Variants in ZNF804B observed in about 807,000 individuals in gnomAD.
ZNF804B encodes the protein zinc finger 804B.
ZNF804B carries 80 observed loss-of-function variants against 101.4 expected under a neutral mutation model. The observed-to-expected ratio is 0.79, with a 90% CI of 0.66 to 0.95. The LOEUF is 0.95. Among genes scored for constraint, ZNF804B ranks in the 40% least tolerant of loss-of-function variants. ZNF804B has a pLI of 0.00. For missense variants in ZNF804B, 1,673 were observed against 1,561.9 expected (o/e 1.07, Z -1.20); for synonymous variants, 622 against 558.8 (o/e 1.11, Z -1.59).
chr7:88,889,600 G>A (rs1413532081), intron 1 of ZNF804B, among the ~76,000 whole-genome samples: 1 of 152,160 alleles, frequency 6.6e-6, no homozygotes, highest in Non-Finnish European at 1.5e-5. Context: ...CTTTTGAGAA[G>A]TGTCTTTTCA....
At chr7:89,151,392 CAT>C (rs899641983) in intron 1 of ZNF804B, among the ~76,000 whole-genome samples, 2 of 151,996 alleles carry the variant, frequency 1.3e-5, no homozygotes, top group African/African-American at 4.8e-5. Flanking sequence ...CTCCCATCCC[CAT>C]ATGATTTTGA....
intron 1 of ZNF804B, among the ~76,000 whole-genome samples, chr7:88,985,872 A>G (rs1793753178): frequency 6.6e-6 from 1 of 152,126 alleles, no homozygotes. Context: ...ACTGAATGGA[A>G]GCAGAAGTAA....
chr7:88,950,956 A>C (rs1392451716), intron 1 of ZNF804B, among the ~76,000 whole-genome samples: 1 of 151,664 alleles, frequency 6.6e-6, no homozygotes, highest in Non-Finnish European at 1.5e-5. Flanking sequence ...CTTTTACTCT[A>C]GTTACTGGTA....
intron 1 of ZNF804B, among the ~76,000 whole-genome samples, chr7:88,989,022 T>TATG (rs1424406392): frequency 1.3e-5 from 2 of 151,962 alleles, no homozygotes; most frequent in East Asian, 3.9e-4. Flanking sequence ...TTTTATTTAT[T>TATG]ATTATTATTA....
At chr7:88,908,247 T>C (rs1298442254) in intron 1 of ZNF804B, among the ~76,000 whole-genome samples, 1 of 151,844 alleles carries the variant, frequency 6.6e-6, no homozygotes, top group Non-Finnish European at 1.5e-5. Context: ...TATTTTACTT[T>C]AAGTTTTAGG....
chr7:89,289,445 G>A (rs1584107236), intron 2 of ZNF804B, among the ~76,000 whole-genome samples: 1 of 152,140 alleles, frequency 6.6e-6, no homozygotes, highest in East Asian at 1.9e-4. Context: ...CCCTGAAAGA[G>A]GTACTGAAGA....
At chr7:89,011,933 C>G (rs2116194653) in intron 1 of ZNF804B, among the ~76,000 whole-genome samples, 1 of 152,280 alleles carries the variant, frequency 6.6e-6, no homozygotes, top group East Asian at 1.9e-4. Context: ...TCAAACCCTA[C>G]ATTTTCCCTC....
At chr7:89,199,679 A>G (rs934778191) in intron 1 of ZNF804B, among the ~76,000 whole-genome samples, 2 of 151,796 alleles carry the variant, frequency 1.3e-5, no homozygotes, top group Admixed American at 6.6e-5. Flanking sequence ...AACCACAAGG[A>G]TGTACTGCCT....
intron 1 of ZNF804B, among the ~76,000 whole-genome samples, chr7:88,792,015 G>C (rs1183557457): frequency 6.6e-6 from 1 of 152,064 alleles, no homozygotes. Context: ...GGGGCTGTTG[G>C]CTGCGACCTT....
chr7:89,291,422 CAA>C (rs949207694), intron 2 of ZNF804B, among the ~76,000 whole-genome samples: 5 of 152,052 alleles, frequency 3.3e-5, no homozygotes, highest in African/African-American at 7.2e-5. Context: ...GAAAATTTAA[CAA>C]AGAGATTGAA....
intron 1 of ZNF804B, among the ~76,000 whole-genome samples, chr7:88,830,916 C>T (rs1791123108): frequency 6.6e-6 from 1 of 151,760 alleles, no homozygotes; most frequent in South Asian, 2.1e-4. Flanking sequence ...ATCTGGTTTT[C>T]ATATTCTTTT....
rs3059353 is a variant in ZNF804B at position 89,136,736 on chromosome 7, AGTGTGT to A, written c.109-81395_109-81390del. Among the ~76,000 whole-genome samples, 560 of 145,658 alleles carry A rather than the reference AGTGTGT, an allele frequency of 3.8e-3. 5 individuals are homozygous for A. The highest frequency in any genetic ancestry group is 0.012 in the African/African-American group (481 of 39,864). On this transcript the variant is annotated intron_variant, in intron 1 of 3. Coordinates refer to ENST00000333190, the MANE Select transcript of ZNF804B (RefSeq NM_181646.5). ...GCTGAATTATATTTGTGTGTGTGTGAGTGTGTGTGTGTGTGTGTGTGTGTGTGTGCG... is the reference window on the plus strand; with the variant it reads ...GCTGAATTATATTTGTGTGTGTGTGAGTGTGTGTGTGTGTGTGTGTGTGCG...
In ZNF804B at chr7:88,950,581, G is replaced by C. The variant is rs541815400; in HGVS notation, c.108+190497G>C. Reference sequence around the variant, plus strand: ...TTTTCTTCTATTTTTAAGCCTCTGTGCTATTTTGTAAGTCTTTGTATACAA... The same window carrying C: ...TTTTCTTCTATTTTTAAGCCTCTGTCCTATTTTGTAAGTCTTTGTATACAA... On this transcript the variant is annotated intron_variant, in intron 1 of 3. Coordinates refer to ENST00000333190, the MANE Select transcript of ZNF804B (RefSeq NM_181646.5). 5.3e-5 allele frequency among the ~76,000 whole-genome samples: 8 copies of C among 151,890 alleles called. No individual in the cohort carries two copies. In the South Asian group the frequency reaches 1.7e-3, roughly 31 times the overall value.
chr7:89,314,933 A>T (rs1790700490), intron 2 of ZNF804B, among the ~76,000 whole-genome samples: 1 of 152,144 alleles, frequency 6.6e-6, no homozygotes, highest in Non-Finnish European at 1.5e-5. Context: ...CCAAGTTCCT[A>T]CTGGTGAACA....
intron 1 of ZNF804B, among the ~76,000 whole-genome samples, chr7:88,979,892 C>T (rs539325604): frequency 1.1e-4 from 16 of 150,710 alleles, no homozygotes; most frequent in African/African-American, 2.0e-4. Context: ...TGTAGGTGTG[C>T]TTCATTCTTT....
chr7:88,886,581 T>C (rs1033377497), intron 1 of ZNF804B, among the ~76,000 whole-genome samples: 2 of 152,066 alleles, frequency 1.3e-5, no homozygotes, highest in African/African-American at 2.4e-5. Context: ...ATATAACTAA[T>C]AATGCATTAT....
rs566491519 is a variant in ZNF804B at position 89,162,863 on chromosome 7, T to C, written c.109-55292T>C. ...TGTTCCCCTTCCTGTGTCCATGTGT[T>C]CTCATTGTTCAATTCCCACCTATGA... On this transcript the variant is annotated intron_variant, in intron 1 of 3. Coordinates refer to ENST00000333190, the MANE Select transcript of ZNF804B (RefSeq NM_181646.5). 9.6e-5 allele frequency among the ~76,000 whole-genome samples: 10 copies of C among 103,682 alleles called. No individual in the cohort carries two copies. In the South Asian group the frequency reaches 3.8e-3, roughly 40 times the overall value. 68.0% of individuals were successfully genotyped at this position (103,682 alleles called of 152,430 possible).
intron 2 of ZNF804B, among the ~76,000 whole-genome samples, chr7:89,271,873 T>G (rs1264586515): frequency 6.6e-6 from 1 of 152,164 alleles, no homozygotes; most frequent in African/African-American, 2.4e-5. Context: ...GTTTTTAGTA[T>G]TCTCTAATGG....
intron 1 of ZNF804B, among the ~76,000 whole-genome samples, chr7:89,016,794 T>C (rs1360307194): frequency 6.6e-6 from 1 of 152,230 alleles, no homozygotes; most frequent in Non-Finnish European, 1.5e-5. Context: ...TTTGTTCTTT[T>C]AGCTTAGATT....
Sources: allele counts gnomAD v4.1 joint callset (sites outside exome capture counted in the v4.1 genomes callset), GRCh38; gene constraint gnomAD v4.1.1; transcripts MANE v1.5; gene names NCBI Gene and HGNC (gene_info 2026-07-23, HGNC 2026-07-21).